NOSTRIN: variants seen among roughly 807,000 people sequenced by gnomAD.
NOSTRIN encodes nitric oxide synthase trafficking, also known as BM247 homolog.
NOSTRIN carries 63 observed loss-of-function variants against 59.0 expected under a neutral mutation model. The observed-to-expected ratio is 1.07, with a 90% confidence interval of 0.87 to 1.32. The LOEUF (loss-of-function observed/expected upper bound fraction) is 1.32, where lower values mean the gene tolerates loss of function less well. Among genes scored for constraint, NOSTRIN ranks in the 40% most tolerant of loss-of-function variants. NOSTRIN has a pLI of 0.00. For synonymous variants in NOSTRIN, 200 were observed against 165.4 expected (o/e 1.21, Z -1.61); for missense variants, 512 against 473.1 (o/e 1.08, Z -0.76).
chr2:168,794,353 A>ATT (rs61395235), upstream of NOSTRIN, among the ~76,000 whole-genome samples: 24,228 of 141,492 alleles, frequency 0.17, 2,370 homozygotes, highest in African/African-American at 0.25. Context: ...AAAAGGGATG[A>ATT]TTTTTTTTTT....
At chr2:168,819,790 C>T (rs1457265904) in intron 2 of NOSTRIN, among the ~76,000 whole-genome samples, 1 of 152,162 alleles carries the variant, frequency 6.6e-6, no homozygotes, top group Admixed American at 6.5e-5. Flanking sequence ...AGAAAGGGTA[C>T]AATCGTGCTG....
At chr2:168,851,679 T>A (rs1241704709) in intron 10 of NOSTRIN, among the ~76,000 whole-genome samples, 5 of 152,232 alleles carry the variant, frequency 3.3e-5, no homozygotes, top group African/African-American at 4.8e-5. Context: ...CAGACATGTT[T>A]CAATGACCTA....
chr2:168,797,079 CTTTTTTTTTTT>C (rs775176252), upstream of NOSTRIN, among the ~76,000 whole-genome samples: 8 of 75,036 alleles, frequency 1.1e-4, no homozygotes, highest in Admixed American at 9.7e-4. Flanking sequence ...TTTCTTTTTT[CTTTTTTTTTTT>C]TTTTTTTTTT....
chr2:168,836,089 T>C (rs1013144986), intron 7 of NOSTRIN, among the ~76,000 whole-genome samples: 1 of 152,244 alleles, frequency 6.6e-6, no homozygotes, highest in Non-Finnish European at 1.5e-5. Flanking sequence ...TTGAATAACT[T>C]AAATTCATTG....
intron 15 of NOSTRIN, chr2:168,863,367 T>C: frequency 2.0e-6 from 2 of 979,148 alleles, no homozygotes; most frequent in Non-Finnish European, 2.4e-6. Flanking sequence ...AATAATTTCC[T>C]TTGTCTTAGA....
intron 5 of NOSTRIN, among the ~76,000 whole-genome samples, chr2:168,830,411 T>C (rs2105645575): frequency 6.6e-6 from 1 of 152,366 alleles, no homozygotes. Context: ...TTGTTCCACA[T>C]TCCAGACACA....
chr2:168,837,799 G>A (rs569229367), intron 7 of NOSTRIN, among the ~76,000 whole-genome samples: 3 of 152,184 alleles, frequency 2.0e-5, no homozygotes, highest in East Asian at 3.9e-4. Context: ...TTAACTTCTC[G>A]GAAGTATTAA....
intron 2 of NOSTRIN, among the ~76,000 whole-genome samples, chr2:168,820,766 T>A (rs527581333): frequency 6.6e-4 from 100 of 150,944 alleles, no homozygotes; most frequent in Non-Finnish European, 1.2e-3. Context: ...AAGGACCCCT[T>A]TTTCATACCA....
At chr2:168,839,884 CAAAAA>C (rs58341006) in intron 7 of NOSTRIN, among the ~76,000 whole-genome samples, 10 of 31,158 alleles carry the variant, frequency 3.2e-4, no homozygotes, top group African/African-American at 2.8e-3. Context: ...GACTCCGTCT[CAAAAA>C]AAAAAAAAAA....
chr2:168,797,157 C>A (rs182656084), upstream of NOSTRIN, among the ~76,000 whole-genome samples: 1 of 135,488 alleles, frequency 7.4e-6, no homozygotes, highest in Admixed American at 8.9e-5. Flanking sequence ...GGCATGAACA[C>A]GGCTTATTGC....
intron 8 of NOSTRIN, among the ~76,000 whole-genome samples, chr2:168,845,935 G>A (rs1171428175): frequency 3.5e-4 from 53 of 151,822 alleles, no homozygotes; most frequent in Non-Finnish European, 5.9e-5. Flanking sequence ...GTTTCAGTCC[G>A]TGTCCTTTTT....
At chr2:168,846,658 A>T (rs887832285) in intron 8 of NOSTRIN, among the ~76,000 whole-genome samples, 2 of 152,232 alleles carry the variant, frequency 1.3e-5, no homozygotes, top group Admixed American at 6.5e-5. Context: ...TAACCATACT[A>T]CCAAGAATTA....
At chr2:168,811,018 A>G (rs1686105403) in intron 1 of NOSTRIN, among the ~76,000 whole-genome samples, 1 of 152,228 alleles carries the variant, frequency 6.6e-6, no homozygotes, top group Non-Finnish European at 1.5e-5. Context: ...TTTAACCAAA[A>G]TGTTCAACTC....
intron 5 of NOSTRIN, among the ~76,000 whole-genome samples, chr2:168,828,740 G>A (rs1049117845): frequency 2.0e-5 from 3 of 152,032 alleles, no homozygotes; most frequent in Non-Finnish European, 2.9e-5. Context: ...AACTACTGAA[G>A]CATTCAAAAT....
rs572785587 is a variant in NOSTRIN at position 168,808,823 on chromosome 2, C to T, written c.28-2744C>T. Among the ~76,000 whole-genome samples the T allele has an allele frequency of 2.6e-5, 4 of 152,062 alleles. No homozygotes were observed. The South Asian group carries it at 6.2e-4, about 24-fold the overall frequency. ...AATACAATTCCAATTAGGATCCCAACGGGGATTTAAAAAGAAATGTAATTA... is the reference window on the plus strand; with the variant it reads ...AATACAATTCCAATTAGGATCCCAATGGGGATTTAAAAAGAAATGTAATTA... On this transcript the variant is annotated intron_variant, in intron 1 of 15. Coordinates refer to ENST00000317647, the MANE Select transcript of NOSTRIN (RefSeq NM_001039724.4).
At chr2:168,807,326 T>C (rs1460416844) in intron 1 of NOSTRIN, among the ~76,000 whole-genome samples, 1 of 152,158 alleles carries the variant, frequency 6.6e-6, no homozygotes, top group Non-Finnish European at 1.5e-5. Context: ...TGCTGTAGCA[T>C]TTAAGTGGGT....
At chr2:168,842,634 A>G (rs1300514450) in intron 7 of NOSTRIN, among the ~76,000 whole-genome samples, 2 of 152,246 alleles carry the variant, frequency 1.3e-5, no homozygotes, top group Non-Finnish European at 1.5e-5. Flanking sequence ...AGATAAGACT[A>G]TGGGATTCAT....
chr2:168,794,062 A>G (rs1685421542), upstream of NOSTRIN, among the ~76,000 whole-genome samples: 1 of 152,154 alleles, frequency 6.6e-6, no homozygotes, highest in Non-Finnish European at 1.5e-5. Context: ...ATAATCTGTC[A>G]TAGAGTAATA....
chr2:168,793,441 C>T (rs1685407723), upstream of NOSTRIN, among the ~76,000 whole-genome samples: 1 of 152,088 alleles, frequency 6.6e-6, no homozygotes, highest in South Asian at 2.1e-4. Context: ...AACCTCATCT[C>T]TACAAAAAAT....
Sources: gnomAD v4.1 joint callset for allele counts (sites outside exome capture counted in the v4.1 genomes callset) on GRCh38, gnomAD v4.1.1 for gene constraint, MANE v1.5 for transcripts, NCBI Gene and HGNC (gene_info 2026-07-23, HGNC 2026-07-21) for gene names.